CES5A: variants seen among roughly 807,000 people sequenced by gnomAD.
CES5A encodes the protein carboxylesterase 5A.
A neutral mutation model predicts 62.9 loss-of-function variants in CES5A; 67 were observed. That is an observed-to-expected ratio of 1.07 (90% CI 0.88 to 1.31). CES5A has a LOEUF of 1.31. Among genes scored for constraint, CES5A ranks in the 50% most tolerant of loss-of-function variants. CES5A has a pLI of 0.00. For missense variants in CES5A, 748 were observed against 708.5 expected (o/e 1.06, Z -0.63); for synonymous variants, 296 against 280.8 (o/e 1.05, Z -0.54).
At chr16:55,904,722 T>A (rs1424094184) in intron 1 of CES5A, among the ~76,000 whole-genome samples, 4 of 152,168 alleles carry the variant, frequency 2.6e-5, no homozygotes, top group Non-Finnish European at 4.4e-5. Context: ...GCACAGCTAA[T>A]AAGTGACAAA....
In CES5A at chr16:55,873,978, C is replaced by T. The variant is rs200911306; in HGVS notation, c.133G>A (p.Val45Ile). 14 of 1,612,498 alleles carry T rather than the reference C, an allele frequency of 8.7e-6. No homozygotes were observed. Among genetic ancestry groups the T allele is most frequent in the Middle Eastern group, 3.3e-4 (2 of 6,002 alleles). Residue 45 changes from valine to isoleucine, a missense_variant, in exon 2 of 13, where the codon GTC becomes ATC. Transcript: ENST00000290567. ...GGCACAGGGCTTCCCAGCACAGTGA[C>T]TTGCTTGCCCTGAATCCATCCCAGC... ...TRLGWIQGKQ[V>I]TVLGSPVPVN...
intron 2 of CES5A, chr16:55,944,130 C>A (rs751302083): frequency 2.8e-5 from 20 of 701,826 alleles, no homozygotes; most frequent in Non-Finnish European, 4.7e-5. Context: ...GATCTGACAA[C>A]CTCTCTGTAT....
chr16:55,858,049 A>T (rs749792723), intron 8 of CES5A, among the ~76,000 whole-genome samples: 1 of 152,140 alleles, frequency 6.6e-6, no homozygotes, highest in Non-Finnish European at 1.5e-5. Context: ...ACAAAAAAAA[A>T]TTAGCTGGGC....
rs766973597 is a variant in CES5A, at chr16:55,849,663, A to G, written c.1384T>C (p.Phe462Leu). 4.3e-6 allele frequency: 7 copies of G among 1,613,888 alleles called. No individual in the cohort carries two copies. The South Asian group carries it at 6.6e-5, about 15-fold the overall frequency. Residue 462 changes from phenylalanine (F) to leucine (L), a missense_variant, in exon 11 of 13, where the codon TTC becomes CTC. Phe to Leu is a conservative substitution (Grantham distance 22, BLOSUM62 0). Transcript: ENST00000290567. ...TCCCCCTTCAGGAAGGCACCACCGA[A>G]CACAAAGCGGACTTCATCAGCGTGG... is the stretch of plus-strand genomic sequence containing the variant. ...ADHADEVRFV[F>L]GGAFLKGDIV... is the part of the protein sequence containing the mutation.
chr16:55,850,252 T>C (rs1439894057), intron 10 of CES5A, among the ~76,000 whole-genome samples: 1 of 152,210 alleles, frequency 6.6e-6, no homozygotes, highest in Non-Finnish European at 1.5e-5. Flanking sequence ...CCTTGAACCA[T>C]TTTAAAGTAT....
upstream of CES5A, among the ~76,000 whole-genome samples, chr16:55,928,999 T>C (rs892106158): frequency 1.3e-5 from 2 of 152,082 alleles, no homozygotes; most frequent in African/African-American, 2.4e-5. Flanking sequence ...TGCAGGACCA[T>C]AGAAGCAGGT....
At chr16:55,862,205 G>A (rs1283742673) in intron 6 of CES5A, among the ~76,000 whole-genome samples, 1 of 151,994 alleles carries the variant, frequency 6.6e-6, no homozygotes, top group Non-Finnish European at 1.5e-5. Context: ...TGCTTTCCTT[G>A]TCACTGAACC....
chr16:55,902,285 T>C (rs1456930307), intron 1 of CES5A, among the ~76,000 whole-genome samples: 2 of 152,182 alleles, frequency 1.3e-5, no homozygotes, highest in East Asian at 1.9e-4. Context: ...AATTTTCTTA[T>C]GTGACAACTT....
chr16:55,871,091 C>T (rs2033573942), intron 3 of CES5A, among the ~76,000 whole-genome samples: 1 of 152,176 alleles, frequency 6.6e-6, no homozygotes, highest in Admixed American at 6.5e-5. Context: ...ATAGACATTA[C>T]TGTTATGATA....
upstream of CES5A, among the ~76,000 whole-genome samples, chr16:55,877,321 G>A (rs371006943): frequency 2.0e-5 from 3 of 152,136 alleles, no homozygotes; most frequent in East Asian, 1.9e-4. Flanking sequence ...ACCAGATTGA[G>A]TTAGATGTAA....
chr16:55,908,513 A>T (rs2034062086), intron 1 of CES5A, among the ~76,000 whole-genome samples: 1 of 152,154 alleles, frequency 6.6e-6, no homozygotes, highest in South Asian at 2.1e-4. Context: ...GGCATGAGCC[A>T]CCATGCCCGG....
chr16:55,850,246 G>T (rs140196727), intron 10 of CES5A, among the ~76,000 whole-genome samples: 384 of 152,220 alleles, frequency 2.5e-3, no homozygotes, highest in South Asian at 0.023. Flanking sequence ...TCTGCCCCTT[G>T]AACCATTTTA....
At position 55,897,355 on chromosome 16, in the gene CES5A, G is replaced by A. The variant is rs368967887; in HGVS notation, c.-255-23318C>T. On this transcript the variant is annotated intron_variant, in intron 1 of 12. Coordinates refer to the CES5A transcript ENST00000518005. ...ACCAAAATGCCAAGATGCTCCCAGG[G>A]GTAGAAGACAAGAGTACTTACAGAA... Among the ~76,000 whole-genome samples the A allele has an allele frequency of 7.9e-5, 12 of 152,234 alleles. No individual in the cohort carries two copies. In the East Asian group the frequency reaches 1.4e-3, roughly 17 times the overall value.
Position 55,849,688 on chromosome 16 carries a change from G to T in CES5A, c.1359C>A (p.Asp453Glu). 3.1e-6 allele frequency: 5 copies of T among 1,614,008 alleles called. No individual in the cohort carries two copies. Among genetic ancestry groups the T allele is most frequent in the Non-Finnish European group, 4.2e-6 (5 of 1,179,896 alleles). ...ACACAAAGCGGACTTCATCAGCGTG[G>T]TCGGCTTTGACAAAAGCTGGCTTCG... is the stretch of plus-strand genomic sequence containing the variant. ...EDTKPAFVKA[D>E]HADEVRFVFG... The change falls in exon 11 of 13, where the codon GAC becomes GAA. Residue 453 changes from aspartate to glutamate, a missense_variant. By Grantham distance (45) the Asp-to-Glu change is conservative. Coordinates refer to ENST00000290567, the MANE Select transcript of CES5A (RefSeq NM_001143685.2).
chr16:55,862,636 T>A (rs1302978713), intron 6 of CES5A, among the ~76,000 whole-genome samples: 3 of 152,374 alleles, frequency 2.0e-5, no homozygotes, highest in Admixed American at 1.3e-4. Flanking sequence ...TTTCTGCTCT[T>A]GGTATATACT....
At chr16:55,905,899 G>A (rs998992666) in intron 1 of CES5A, among the ~76,000 whole-genome samples, 18 of 152,006 alleles carry the variant, frequency 1.2e-4, no homozygotes, top group African/African-American at 3.9e-4. Context: ...TTTTTTAATC[G>A]CCTAGGAAAT....
At chr16:55,886,978 A>C (rs1376683433) in intron 1 of CES5A, among the ~76,000 whole-genome samples, 1 of 152,158 alleles carries the variant, frequency 6.6e-6, no homozygotes, top group Non-Finnish European at 1.5e-5. Context: ...CATCCACTGG[A>C]AACAGCATAA....
rs1206592189 is a variant in CES5A, at chr16:55,862,613, G to T, written c.810+735C>A. Among the ~76,000 whole-genome samples the T allele has an allele frequency of 2.6e-5, 4 of 152,192 alleles. No homozygotes were observed. In the East Asian group the frequency reaches 5.8e-4, roughly 22 times the overall value. ...TGTATTGAGGGAATTTTTTTAAATT[G>T]CATAACTCTATGTTTCTGCTCTTGG... On this transcript the variant is annotated intron_variant, in intron 6 of 12. Transcript: ENST00000290567.
At chr16:55,869,892 G>T in intron 3 of CES5A, 148 bp from the exon 4 acceptor site, 23 of 1,141,130 alleles carry the variant, frequency 2.0e-5, no homozygotes, top group East Asian at 2.7e-5. Context: ...AAGGCCCAGG[G>T]TTAAGCATGT....
Sources: allele counts gnomAD v4.1 joint callset (sites outside exome capture counted in the v4.1 genomes callset), GRCh38; gene constraint gnomAD v4.1.1; transcripts MANE v1.5; gene names NCBI Gene and HGNC (gene_info 2026-07-23, HGNC 2026-07-21).